The following SFMBT2 variants were observed in gnomAD, a reference collection of about 807,000 sequenced individuals.
The protein encoded by SFMBT2 is Scm like with four mbt domains 2.
In SFMBT2, 38 loss-of-function variants were observed where a neutral mutation model predicts 110.1. The ratio of observed to expected loss-of-function variants is 0.35; its 90% CI spans 0.27 to 0.45. The LOEUF (loss-of-function observed/expected upper bound fraction) is 0.45. Among genes scored for constraint, SFMBT2 ranks in the 20% least tolerant of loss-of-function variants. The probability of loss-of-function intolerance (pLI) is 1.00; values close to 1 mark genes in which losing one functional copy is unlikely to be tolerated. For synonymous variants in SFMBT2, 425 were observed against 425.4 expected (o/e 1.00, Z 0.01); for missense variants, 1,011 against 1,094.9 (o/e 0.92, Z 1.08).
At chr10:7,213,996 C>T (rs1467446982) in intron 11 of SFMBT2, among the ~76,000 whole-genome samples, 1 of 152,110 alleles carries the variant, frequency 6.6e-6, no homozygotes, top group Non-Finnish European at 1.5e-5. Flanking sequence ...GGGGAGGAGC[C>T]AACGGTGGGA....
chr10:7,163,937 G>A lies in SFMBT2; in HGVS notation c.2545-27C>T. On this transcript the variant is annotated intron_variant, in intron 20 of 20. Transcript: ENST00000397167. The surrounding 1 kb of genome is among the most constrained non-coding windows in gnomAD (Gnocchi z 4.8). ...TGCAGGAAAAGAAAGGCAGGTTAGA[G>A]AAGGGGCAGTGTGCACTGGGGTACA... The A allele has an allele frequency of 6.2e-7, 1 of 1,607,670 alleles. No individual in the cohort carries two copies. The highest frequency in any genetic ancestry group is 8.5e-7 in the Non-Finnish European group (1 of 1,176,602).
intron 8 of SFMBT2, chr10:7,244,078 A>T: frequency 1.1e-6 from 1 of 871,634 alleles, no homozygotes; most frequent in Non-Finnish European, 1.4e-6. Context: ...ACCGTTTCTC[A>T]GTGTCCACAG....
chr10:7,339,852 GAT>G (rs1256199044), intron 4 of SFMBT2, among the ~76,000 whole-genome samples: 1 of 152,224 alleles, frequency 6.6e-6, no homozygotes, highest in Non-Finnish European at 1.5e-5. Context: ...CTCCCCTCAT[GAT>G]AATGCCTAGA....
chr10:7,249,784 G>A (rs77307749), intron 7 of SFMBT2, among the ~76,000 whole-genome samples: 2,448 of 152,266 alleles, frequency 0.016, 26 homozygotes, highest in Non-Finnish European at 0.023. Flanking sequence ...CCAGTGCACC[G>A]AGTTGCCAAG....
At chr10:7,212,714 T>A (rs1294138046) in intron 11 of SFMBT2, among the ~76,000 whole-genome samples, 1 of 152,160 alleles carries the variant, frequency 6.6e-6, no homozygotes, top group African/African-American at 2.4e-5. Context: ...GATTTTACAC[T>A]CAGAAAGTGC....
rs1321498249 is a variant in SFMBT2 at position 7,161,907 on chromosome 10, G to A, written c.*1863C>T. The A allele has an allele frequency of 6.6e-6, 1 of 152,180 alleles. No individual in the cohort carries two copies. Among genetic ancestry groups the A allele is most frequent in the Non-Finnish European group, 1.5e-5 (1 of 68,036 alleles). The allele number at this position is 152,180 out of a possible 1,614,324, so 9.4% of individuals were successfully genotyped here. A position where few individuals can be genotyped will look rare whatever the true frequency, so the allele number is the denominator to read the frequency against. On this transcript the variant is annotated 3_prime_UTR_variant, in exon 21 of 21. Coordinates refer to ENST00000397167, the MANE Select transcript of SFMBT2 (RefSeq NM_001387889.1). ...TGGAACTGTGGAGACTCTAGTCCAA[G>A]GGACGAGCTCAAGGTGATTGTGGTG... is the stretch of plus-strand genomic sequence containing the variant.
chr10:7,399,335 C>A (rs1429016305), intron 1 of SFMBT2, among the ~76,000 whole-genome samples: 1 of 152,112 alleles, frequency 6.6e-6, no homozygotes, highest in Non-Finnish European at 1.5e-5. Flanking sequence ...TGGGTTCAAG[C>A]GATTCTCCTG....
intron 9 of SFMBT2, among the ~76,000 whole-genome samples, chr10:7,232,869 A>G (rs1252760504): frequency 6.6e-6 from 1 of 152,176 alleles, no homozygotes; most frequent in Non-Finnish European, 1.5e-5. Context: ...CATGAAATAC[A>G]CCATGACTGC....
Position 7,301,557 on chromosome 10 carries a change from C to T in SFMBT2, c.437-15603G>A, listed in dbSNP as rs1842558175. Reference sequence around the variant, plus strand: ...ACACTTTCCACTGAGACAGTGGGGGCAGGTCCCCGGGGCCGGCAAATTCGC... The same window carrying T: ...ACACTTTCCACTGAGACAGTGGGGGTAGGTCCCCGGGGCCGGCAAATTCGC... On this transcript the variant is annotated intron_variant, in intron 4 of 20. Coordinates refer to ENST00000397167, the MANE Select transcript of SFMBT2 (RefSeq NM_001387889.1). This position sits in a 1 kb window ranked among gnomAD's most constrained non-coding sequence, Gnocchi z 4.2. Among the ~76,000 whole-genome samples the T allele has an allele frequency of 6.6e-6, 1 of 152,218 alleles. No homozygotes were observed. Among genetic ancestry groups the T allele is most frequent in the South Asian group, 2.1e-4 (1 of 4,826 alleles).
intron 9 of SFMBT2, among the ~76,000 whole-genome samples, chr10:7,236,249 T>G (rs1840250209): frequency 6.6e-6 from 1 of 152,058 alleles, no homozygotes; most frequent in Non-Finnish European, 1.5e-5. Context: ...GTCTATAAAT[T>G]CAACACAATG....
intron 13 of SFMBT2, chr10:7,200,940 AAATAAGGC>A: frequency 1.4e-6 from 1 of 735,258 alleles, no homozygotes; most frequent in Non-Finnish European, 1.7e-6. Context: ...GCCACACTAA[AAATAAGGC>A]CTTAAAAGAA....
intron 10 of SFMBT2, among the ~76,000 whole-genome samples, chr10:7,221,302 C>T (rs950964606): frequency 1.3e-5 from 2 of 152,010 alleles, no homozygotes; most frequent in East Asian, 3.9e-4. Flanking sequence ...TGTGGTGGCT[C>T]ATGCCTGTAA....
chr10:7,334,204 C>G (rs1293354148), intron 4 of SFMBT2, among the ~76,000 whole-genome samples: 3 of 152,170 alleles, frequency 2.0e-5, no homozygotes, highest in South Asian at 2.1e-4. Context: ...CCGCTGACAG[C>G]CAGGCACCGT....
At position 7,171,792 on chromosome 10, in the gene SFMBT2, G is replaced by T; in HGVS notation, c.2415+103C>A. On this transcript the variant is annotated intron_variant, in intron 19 of 20. Coordinates refer to ENST00000397167, the MANE Select transcript of SFMBT2 (RefSeq NM_001387889.1). The surrounding 1 kb of genome is among the most constrained non-coding windows in gnomAD (Gnocchi z 4.9). ...CTAGCTAGAGCAGCTGCTGCTGTTG[G>T]AGGTATTTTAAACAGGTTTCCCCAC... 1 of 1,190,258 alleles carries T rather than the reference G, an allele frequency of 8.4e-7. No homozygotes were observed. Among genetic ancestry groups the T allele is most frequent in the Non-Finnish European group, 1.1e-6 (1 of 918,918 alleles). 73.7% of individuals were successfully genotyped at this position (1,190,258 alleles called of 1,614,324 possible).
At chr10:7,319,809 TGA>T (rs1250512907) in intron 4 of SFMBT2, among the ~76,000 whole-genome samples, 1 of 53,000 alleles carries the variant, frequency 1.9e-5, no homozygotes, top group Non-Finnish European at 4.2e-5. Context: ...AGACAGAGAC[TGA>T]GAGAGAGACA....
intron 8 of SFMBT2, among the ~76,000 whole-genome samples, chr10:7,245,805 G>A (rs1040894028): frequency 2.6e-5 from 4 of 152,178 alleles, no homozygotes; most frequent in Non-Finnish European, 4.4e-5. Flanking sequence ...CTACACGTCT[G>A]TCTGCATCCT....
At chr10:7,337,929 C>T (rs1339735455) in intron 4 of SFMBT2, among the ~76,000 whole-genome samples, 2 of 152,160 alleles carry the variant, frequency 1.3e-5, no homozygotes, top group African/African-American at 4.8e-5. Flanking sequence ...CAGCCTGGCC[C>T]CCAAAACACA....
chr10:7,370,128 A>G (rs780808259), intron 3 of SFMBT2, among the ~76,000 whole-genome samples, 153 bp downstream of exon 3: 4 of 152,134 alleles, frequency 2.6e-5, no homozygotes, highest in East Asian at 1.9e-4. Flanking sequence ...CAGCCTCCCA[A>G]AGTGCTGGGA....
chr10:7,280,496 C>A (rs138804341), intron 6 of SFMBT2, among the ~76,000 whole-genome samples: 1 of 152,022 alleles, frequency 6.6e-6, no homozygotes, highest in Non-Finnish European at 1.5e-5. Context: ...TTAGCATCTG[C>A]AAGAATATCT....
Sources: allele counts gnomAD v4.1 joint callset (sites outside exome capture counted in the v4.1 genomes callset), GRCh38; gene constraint gnomAD v4.1.1; non-coding constraint Gnocchi (gnomAD v3.1); transcripts MANE v1.5; gene names NCBI Gene and HGNC (gene_info 2026-07-23, HGNC 2026-07-21).